Variants in CYP3A5 observed in about 807,000 individuals in gnomAD.
CYP3A5 encodes cytochrome P450 family 3 subfamily A member 5.
Under a neutral mutation model 55.9 loss-of-function variants are expected in CYP3A5, and 51 were observed. The ratio of observed to expected loss-of-function variants is 0.91; its 90% CI spans 0.73 to 1.15. CYP3A5 has a LOEUF of 1.15. CYP3A5 is among the 50% of genes most tolerant of loss of function. The pLI, the probability that CYP3A5 is intolerant of heterozygous loss-of-function variation, is 0.00. For synonymous variants in CYP3A5, 196 were observed against 213.9 expected (o/e 0.92, Z 0.73); for missense variants, 533 against 596.6 (o/e 0.89, Z 1.11).
intron 2 of CYP3A5, 32 bp from the exon 3 acceptor site, chr7:99,674,617 T>A (rs772520835): frequency 6.3e-7 from 1 of 1,583,804 alleles, no homozygotes; most frequent in African/African-American, 1.3e-5. Flanking sequence ...AAGTTGATTA[T>A]TATTTTAAAT....
At chr7:99,666,529 C>A in intron 6 of CYP3A5, 72 bp downstream of exon 6, 2 of 1,498,798 alleles carry the variant, frequency 1.3e-6, no homozygotes, top group Non-Finnish European at 1.9e-6. Flanking sequence ...AACAGTGCGA[C>A]TGTCGACTCC....
At chr7:99,656,414 C>T (rs1207221542) in intron 10 of CYP3A5, among the ~76,000 whole-genome samples, 1 of 152,190 alleles carries the variant, frequency 6.6e-6, no homozygotes, top group Non-Finnish European at 1.5e-5. Context: ...ACCAGCCTTG[C>T]ATCCCAGGGA....
At chr7:99,676,361 C>T (rs1472283090) in intron 1 of CYP3A5, 153 bp from the exon 2 acceptor site, 6 of 1,534,784 alleles carry the variant, frequency 3.9e-6, no homozygotes, top group East Asian at 2.5e-5. Flanking sequence ...ATTGCATTCA[C>T]TCATCAGGTC....
intron 4 of CYP3A5, chr7:99,670,964 A>G (rs1263642565): frequency 6.6e-6 from 1 of 152,240 alleles, no homozygotes; most frequent in Admixed American, 6.5e-5. Flanking sequence ...CTAGATATGT[A>G]CATTTTCTGT....
At position 99,659,605 on chromosome 7, in the gene CYP3A5, C is replaced by G. The variant is rs182115192; in HGVS notation, c.1026+894G>C. 3.9e-4 allele frequency: 59 copies of G among 152,728 alleles called. No homozygotes were observed. In the East Asian group the frequency reaches 8.5e-3, roughly 22 times the overall value. 9.5% of individuals were successfully genotyped at this position (152,728 alleles called of 1,614,324 possible). A position where few individuals can be genotyped will look rare whatever the true frequency, so the allele number is the denominator to read the frequency against. On this transcript the variant is annotated intron_variant, in intron 10 of 12. Transcript: ENST00000222982. ...GAACCACTACTCTCTTCAAAGCTGTCAGACAGGGACATTTAAGTCTGCAGA... is the reference window on the plus strand; with the variant it reads ...GAACCACTACTCTCTTCAAAGCTGTGAGACAGGGACATTTAAGTCTGCAGA...
chr7:99,664,693 T>C (rs1810799710), intron 7 of CYP3A5, among the ~76,000 whole-genome samples: 3 of 152,122 alleles, frequency 2.0e-5, no homozygotes, highest in Admixed American at 6.5e-5. Flanking sequence ...CAGAGGGAAA[T>C]TTATAGCTGT....
At chr7:99,669,234 A>G (rs562502868) in intron 4 of CYP3A5, among the ~76,000 whole-genome samples, 1 of 152,354 alleles carries the variant, frequency 6.6e-6, no homozygotes, top group Admixed American at 6.5e-5. Flanking sequence ...TTTCCACGGA[A>G]TTTGTGCCAG....
At position 99,662,918 on chromosome 7, in the gene CYP3A5, TGACTCGTGAAGTCA is replaced by T; in HGVS notation, c.799-50_799-37del. The T allele has an allele frequency of 6.2e-7, 1 of 1,612,234 alleles. No individual in the cohort carries two copies. The highest frequency in any genetic ancestry group is 1.1e-5 in the South Asian group (1 of 91,006). ...AAGGAGAGATTTCTTTGGCAGAAAGTGACTCGTGAAGTCAGAAGTAAATCAAAAGTGCAGTCCTC... is the reference window on the plus strand; with the variant it reads ...AAGGAGAGATTTCTTTGGCAGAAAGTGAAGTAAATCAAAAGTGCAGTCCTC... On this transcript the variant is annotated intron_variant, in intron 8 of 12. Coordinates refer to ENST00000222982, the MANE Select transcript of CYP3A5 (RefSeq NM_000777.5). The surrounding 1 kb of genome is among the most constrained non-coding windows in gnomAD (Gnocchi z 4.3).
At position 99,674,566 on chromosome 7, in the gene CYP3A5, G is replaced by A; in HGVS notation, c.185C>T (p.Thr62Ile). The change falls in exon 3 of 13, where the codon ACA becomes ATA. Residue 62 changes from threonine (T) to isoleucine (I), a missense_variant. By Grantham distance (89) the Thr-to-Ile change is moderately conservative. Coordinates refer to ENST00000222982, the MANE Select transcript of CYP3A5 (RefSeq NM_000777.5). ...TTTTCCATACTTTTTATAGCACTCT[G>A]TGTCAAATTTCCAGAGACCCTGGGA... ...SYRQGLWKFDTECYKKYGKMW... is the reference protein window; with the variant it reads ...SYRQGLWKFDIECYKKYGKMW... The A allele has an allele frequency of 6.2e-7, 1 of 1,613,596 alleles. No homozygotes were observed. Among genetic ancestry groups the A allele is most frequent in the Non-Finnish European group, 8.5e-7 (1 of 1,179,668 alleles).
chr7:99,664,048 G>C lies in CYP3A5; in HGVS notation c.718C>G (p.Leu240Val). Reference protein sequence around the residue: ...TPVFEALNVSLFPKDTINFLS... With the variant: ...TPVFEALNVSVFPKDTINFLS... ...AAATTTATGGTATCTTTTGGAAACA[G>C]AGAGACATTTAATGCTTCAAAAACT... Residue 240 changes from leucine to valine, a missense_variant, in exon 8 of 13, where the codon CTG (leucine) becomes GTG (valine). Leu to Val is a conservative substitution (Grantham distance 32). Transcript: ENST00000222982. 1.3e-6 allele frequency: 2 copies of C among 1,599,536 alleles called. No individual in the cohort carries two copies. Among genetic ancestry groups the C allele is most frequent in the Non-Finnish European group, 1.7e-6 (2 of 1,176,844 alleles).
At position 99,667,018 on chromosome 7, in the gene CYP3A5, C is replaced by G; in HGVS notation, c.366G>C (p.Glu122Asp). ...GFMKSAISLA[E>D]DEEWKRIRSL... ...ACCGTATTCTCTTCCATTCTTCATC[C>G]TCAGCTAAAGAGATGGCACTTTTCA... Residue 122 changes from glutamate to aspartate, a missense_variant, in exon 5 of 13, where the codon GAG becomes GAC. Physicochemically the swap from Glu to Asp is conservative, Grantham distance 45. Coordinates refer to ENST00000222982, the MANE Select transcript of CYP3A5 (RefSeq NM_000777.5). The G allele has an allele frequency of 6.2e-7, 1 of 1,614,138 alleles. No homozygotes were observed. Among genetic ancestry groups the G allele is most frequent in the Non-Finnish European group, 8.5e-7 (1 of 1,180,010 alleles).
chr7:99,652,477 A>T (rs1156924415), intron 11 of CYP3A5, 76 bp downstream of exon 11: 1 of 891,182 alleles, frequency 1.1e-6, no homozygotes, highest in East Asian at 2.4e-5. Context: ...CACGATTGTC[A>T]TGTAGATTAA....
chr7:99,650,057 C>T lies in CYP3A5; in HGVS notation c.1413+16G>A, dbSNP rs1398851721. ...TTAAAAAAATTCTTAATAAAACATA[C>T]AGAAAGTGTACTGACCTGTGTTTCT... On this transcript the variant is annotated intron_variant, in intron 12 of 12. Coordinates refer to ENST00000222982, the MANE Select transcript of CYP3A5 (RefSeq NM_000777.5). The T allele has an allele frequency of 1.2e-6, 2 of 1,613,370 alleles. No individual in the cohort carries two copies. The highest frequency in any genetic ancestry group is 8.5e-7 in the Non-Finnish European group (1 of 1,179,616).
At chr7:99,660,753 AG>A in intron 9 of CYP3A5, 94 bp from the exon 10 acceptor site, 2 of 1,461,450 alleles carry the variant, frequency 1.4e-6, no homozygotes, top group South Asian at 1.2e-5. Flanking sequence ...AATCCCAAGA[AG>A]AAAAAATGGA....
At position 99,672,677 on chromosome 7, in the gene CYP3A5, G is replaced by C; in HGVS notation, c.221C>G (p.Thr74Arg). Residue 74 changes from threonine to arginine, a missense_variant and splice_region_variant, in exon 4 of 13, where the codon ACG (threonine) becomes AGG (arginine). By Grantham distance (71) the Thr-to-Arg change is moderately conservative (BLOSUM62 -1). Coordinates refer to ENST00000222982, the MANE Select transcript of CYP3A5 (RefSeq NM_000777.5). ...CAGCACAGGGAGTTGACCTTCATAC[G>C]TTCTGTGTGGGGACAACGGAGCTGA... Reference protein sequence around the residue: ...CYKKYGKMWGTYEGQLPVLAI... With the variant: ...CYKKYGKMWGRYEGQLPVLAI... The C allele has an allele frequency of 6.2e-7, 1 of 1,614,018 alleles. No individual in the cohort carries two copies. The highest frequency in any genetic ancestry group is 8.5e-7 in the Non-Finnish European group (1 of 1,179,946).
chr7:99,652,544 G>C lies in CYP3A5; in HGVS notation c.1253+9C>G. On this transcript the variant is annotated intron_variant, in intron 11 of 12. Coordinates refer to ENST00000222982, the MANE Select transcript of CYP3A5 (RefSeq NM_000777.5). ...TCAGGGTGAGCTCCATTTCCCTGGA[G>C]ACTTGTACCTTTCAGGGCGGAACTC... is the stretch of plus-strand genomic sequence containing the variant. 6.3e-7 allele frequency: 1 copy of C among 1,591,706 alleles called. No individual in the cohort carries two copies. Among genetic ancestry groups the C allele is most frequent in the Non-Finnish European group, 8.6e-7 (1 of 1,165,538 alleles).
Position 99,665,095 on chromosome 7 carries a change from A to G in CYP3A5, c.670+71T>C, listed in dbSNP as rs1810862129. On this transcript the variant is annotated intron_variant, in intron 7 of 12. Transcript: ENST00000222982. ...TGTACCTTTTAAGTGGATGAATTATACGATATGTGAATTATATGTCAAGAA... is the reference window on the plus strand; with the variant it reads ...TGTACCTTTTAAGTGGATGAATTATGCGATATGTGAATTATATGTCAAGAA... 3 of 1,276,120 alleles carry G rather than the reference A, an allele frequency of 2.4e-6. No homozygotes were observed. In the Admixed American group the frequency reaches 6.9e-5, roughly 30 times the overall value. 79.0% of individuals were successfully genotyped at this position (1,276,120 alleles called of 1,614,324 possible).
rs760242881 is a variant in CYP3A5 at position 99,652,626 on chromosome 7, C to G, written c.1180G>C (p.Val394Leu). 1.5e-5 allele frequency: 24 copies of G among 1,614,062 alleles called. No homozygotes were observed. Among genetic ancestry groups the G allele is most frequent in the Non-Finnish European group, 1.9e-5 (22 of 1,179,976 alleles). ...TGAAGAGCATAAGTTGGAATCACCA[C>G]CATTGACCCTTTGGGAATGAATACC... ...NGVFIPKGSM[V>L]VIPTYALHHD... is the part of the protein sequence containing the mutation. Residue 394 changes from valine (V) to leucine (L), a missense_variant, in exon 11 of 13, where the codon GTG (valine) becomes CTG (leucine). By Grantham distance (32) the Val-to-Leu change is conservative. Coordinates refer to ENST00000222982, the MANE Select transcript of CYP3A5 (RefSeq NM_000777.5).
At chr7:99,660,833 C>T (rs41303334) in intron 9 of CYP3A5, among the ~76,000 whole-genome samples, 174 bp from the exon 10 acceptor site, 19 of 152,120 alleles carry the variant, frequency 1.2e-4, no homozygotes, top group South Asian at 4.1e-4. Flanking sequence ...GCCAGGATGA[C>T]GCAAAATCAT....
Sources: gnomAD v4.1 joint callset for allele counts (sites outside exome capture counted in the v4.1 genomes callset) on GRCh38, gnomAD v4.1.1 for gene constraint, Gnocchi (gnomAD v3.1) non-coding constraint, MANE v1.5 for transcripts, NCBI Gene and HGNC (gene_info 2026-07-23, HGNC 2026-07-21) for gene names.